Variants in RSU1 observed in about 807,000 individuals in gnomAD.
The protein encoded by RSU1 is rsu-1.
Under a neutral mutation model 31.1 loss-of-function variants are expected in RSU1, and 26 were observed. The observed-to-expected ratio is 0.84, with a 90% CI of 0.61 to 1.16. The LOEUF (loss-of-function observed/expected upper bound fraction) is 1.16, where lower values mean the gene tolerates loss of function less well. Ranked by LOEUF, RSU1 falls within the 50% of genes most tolerant of loss-of-function variation. RSU1 has a pLI of 0.00. For missense variants in RSU1, 320 were observed against 339.1 expected, an observed-to-expected ratio of 0.94 and a Z score of 0.44; for synonymous variants, 164 against 136.3, an observed-to-expected ratio of 1.20 and a Z score of -1.41.
At chr10:16,776,197 T>C (rs1432889336) in intron 3 of RSU1, among the ~76,000 whole-genome samples, 2 of 152,232 alleles carry the variant, frequency 1.3e-5, no homozygotes, top group Admixed American at 6.5e-5. Flanking sequence ...GGTTTCAATG[T>C]ATTATGCTTT....
At chr10:16,594,674 ATATAT>A (rs148934791) in intron 8 of RSU1, among the ~76,000 whole-genome samples, 12,186 of 146,640 alleles carry the variant, frequency 0.083, 1,368 homozygotes, top group African/African-American at 0.26. Flanking sequence ...TATCTATATC[ATATAT>A]TATCTGTATA....
chr10:16,798,804 T>A (rs923249940), intron 2 of RSU1, among the ~76,000 whole-genome samples: 1 of 152,158 alleles, frequency 6.6e-6, no homozygotes, highest in African/African-American at 2.4e-5. Context: ...GAAATAAAAT[T>A]GTATCACCAG....
intron 8 of RSU1, among the ~76,000 whole-genome samples, chr10:16,608,759 A>G (rs964329940): frequency 2.6e-5 from 4 of 152,066 alleles, no homozygotes; most frequent in Admixed American, 6.5e-5. Flanking sequence ...GAAAAAAAAA[A>G]TCCTGAAAAA....
rs954721374 is a variant in RSU1, at chr10:16,591,416, C to T, written c.*1978G>A. ...TTCCTAGAAATAAAAATTCTGGGCCCCAGTACACAATCTTAAGGTTTTGCC... is the reference window on the plus strand; with the variant it reads ...TTCCTAGAAATAAAAATTCTGGGCCTCAGTACACAATCTTAAGGTTTTGCC... On this transcript the variant is annotated 3_prime_UTR_variant, in exon 9 of 9. Transcript: ENST00000345264. 3.3e-5 allele frequency: 5 copies of T among 152,094 alleles called. No individual in the cohort carries two copies. The highest frequency in any genetic ancestry group is 4.4e-5 in the Non-Finnish European group (3 of 68,030). 9.4% of individuals were successfully genotyped at this position (152,094 alleles called of 1,614,324 possible). A position where few individuals can be genotyped will look rare whatever the true frequency, so the allele number is the denominator to read the frequency against.
At chr10:16,617,499 A>C (rs767602423) in intron 8 of RSU1, among the ~76,000 whole-genome samples, 5 of 152,208 alleles carry the variant, frequency 3.3e-5, no homozygotes, top group Non-Finnish European at 7.3e-5. Flanking sequence ...TACCTTTCAC[A>C]TGGAACCAAA....
chr10:16,665,786 C>A (rs187986304), intron 8 of RSU1, among the ~76,000 whole-genome samples: 1 of 152,104 alleles, frequency 6.6e-6, no homozygotes, highest in Non-Finnish European at 1.5e-5. Context: ...AGATATTCCA[C>A]GGATCATCCT....
At chr10:16,658,203 A>G (rs1378321909) in intron 8 of RSU1, among the ~76,000 whole-genome samples, 1 of 152,170 alleles carries the variant, frequency 6.6e-6, no homozygotes, top group African/African-American at 2.4e-5. Context: ...TCAATTTGTC[A>G]ATTTCCATTT....
intron 8 of RSU1, among the ~76,000 whole-genome samples, chr10:16,671,485 G>T (rs1835103731): frequency 6.6e-6 from 1 of 152,140 alleles, no homozygotes; most frequent in African/African-American, 2.4e-5. Flanking sequence ...GTCTTGTTCT[G>T]TTGTCCAGGC....
chr10:16,800,827 TC>T (rs1402181168), intron 2 of RSU1, among the ~76,000 whole-genome samples: 5 of 152,112 alleles, frequency 3.3e-5, no homozygotes, highest in Non-Finnish European at 7.4e-5. Flanking sequence ...CCTTGCTTTA[TC>T]CTCCTTCTAA....
chr10:16,605,028 C>T (rs779803593), intron 8 of RSU1, among the ~76,000 whole-genome samples: 18 of 152,200 alleles, frequency 1.2e-4, no homozygotes, highest in Non-Finnish European at 1.5e-4. Flanking sequence ...GAGTGAGGGA[C>T]GGAGAGAGAC....
chr10:16,810,851 A>G (rs1223230758), intron 2 of RSU1, among the ~76,000 whole-genome samples: 2 of 152,020 alleles, frequency 1.3e-5, no homozygotes, highest in Admixed American at 6.6e-5. Context: ...GCGAAACCCC[A>G]TCTCTATAAA....
At chr10:16,737,088 C>T (rs1836642748) in intron 7 of RSU1, among the ~76,000 whole-genome samples, 1 of 151,602 alleles carries the variant, frequency 6.6e-6, no homozygotes, top group African/African-American at 2.4e-5. Context: ...GTATAAGTGA[C>T]CTGTGGAAGA....
chr10:16,743,647 C>A (rs1201013054), intron 7 of RSU1, among the ~76,000 whole-genome samples: 3 of 152,144 alleles, frequency 2.0e-5, no homozygotes, highest in African/African-American at 7.2e-5. Flanking sequence ...GCTAGACCTT[C>A]TTTTCATAGT....
chr10:16,641,517 G>A (rs1265014370), intron 8 of RSU1, among the ~76,000 whole-genome samples: 2 of 150,730 alleles, frequency 1.3e-5, no homozygotes, highest in Non-Finnish European at 2.9e-5. Flanking sequence ...AATTAAAAAG[G>A]TTATTCACAC....
At chr10:16,654,353 T>G (rs1308910258) in intron 8 of RSU1, among the ~76,000 whole-genome samples, 1 of 98,422 alleles carries the variant, frequency 1.0e-5, no homozygotes. Flanking sequence ...TGCCTACACC[T>G]AAATTTGCAA....
At chr10:16,608,900 A>T (rs1163601175) in intron 8 of RSU1, among the ~76,000 whole-genome samples, 1 of 152,162 alleles carries the variant, frequency 6.6e-6, no homozygotes, top group East Asian at 1.9e-4. Context: ...CGGTGCCATC[A>T]TAGCTCACTG....
chr10:16,697,911 G>A (rs975558240), intron 7 of RSU1, among the ~76,000 whole-genome samples: 15 of 148,996 alleles, frequency 1.0e-4, no homozygotes, highest in Admixed American at 2.7e-4. Context: ...TTGAAGAAGC[G>A]TCCAGGATTT....
At chr10:16,606,484 G>T (rs1019767176) in intron 8 of RSU1, among the ~76,000 whole-genome samples, 1 of 152,020 alleles carries the variant, frequency 6.6e-6, no homozygotes, top group South Asian at 2.1e-4. Context: ...AAATCAGAAT[G>T]AATTTTTATT....
At chr10:16,782,168 G>A (rs559733350) in intron 2 of RSU1, 84 bp from the exon 3 acceptor site, 20 of 1,079,154 alleles carry the variant, frequency 1.9e-5, no homozygotes, top group South Asian at 4.2e-5. Flanking sequence ...CAAAGCAAAC[G>A]GCAAAGTTAT....
Sources: gnomAD v4.1 joint callset for allele counts (sites outside exome capture counted in the v4.1 genomes callset) on GRCh38, gnomAD v4.1.1 for gene constraint, MANE v1.5 for transcripts, NCBI Gene and HGNC (gene_info 2026-07-23, HGNC 2026-07-21) for gene names.